The following COL5A1 variants were observed in gnomAD, a reference collection of about 807,000 sequenced individuals.
The protein encoded by COL5A1 is collagen alpha-1(V) chain.
In COL5A1, 16 loss-of-function variants were observed where a neutral mutation model predicts 263.7. The ratio of observed to expected loss-of-function variants is 0.06; its 90% confidence interval spans 0.04 to 0.09. COL5A1 has a LOEUF of 0.09. Ranked by LOEUF, COL5A1 falls within the 10% of genes least tolerant of loss-of-function variation. The probability of loss-of-function intolerance (pLI) is 1.00; values close to 1 mark genes in which losing one functional copy is unlikely to be tolerated. For synonymous variants in COL5A1, 1,012 were observed against 1,004.5 expected (o/e 1.01, Z -0.14); for missense variants, 2,036 against 2,540.5 (o/e 0.80, Z 4.27).
chr9:134,828,245 C>T (rs546241074), intron 63 of COL5A1, among the ~76,000 whole-genome samples: 3 of 152,300 alleles, frequency 2.0e-5, no homozygotes, highest in Admixed American at 2.0e-4. Context: ...TCACTGAGGC[C>T]TGCCCTGCTG....
In COL5A1 at chr9:134,727,477, G is replaced by A; in HGVS notation, c.786+80G>A. The A allele has an allele frequency of 2.6e-6, 4 of 1,510,216 alleles. No individual in the cohort carries two copies. In the South Asian group the frequency reaches 4.5e-5, roughly 17 times the overall value. 93.6% of individuals were successfully genotyped at this position (1,510,216 alleles called of 1,614,324 possible). A position where few individuals can be genotyped will look rare whatever the true frequency, so the allele number is the denominator to read the frequency against. ...TTGGTGAAGAGACACATAAGCCATG[G>A]GACCCTTATTTTAAATAAATCCACT... On this transcript the variant is annotated intron_variant, in intron 5 of 65. Transcript: ENST00000371817.
intron 4 of COL5A1, among the ~76,000 whole-genome samples, chr9:134,724,311 G>A (rs941452924): frequency 8.5e-5 from 13 of 152,200 alleles, no homozygotes; most frequent in African/African-American, 2.2e-4. Flanking sequence ...CAATGCTGCC[G>A]TTTTATGCTA....
At chr9:134,806,440 C>T (rs1245736465) in intron 42 of COL5A1, 144 bp downstream of exon 42, 2 of 637,906 alleles carry the variant, frequency 3.1e-6, no homozygotes, top group East Asian at 5.5e-5. Flanking sequence ...CCCTCTAGGA[C>T]AGAGCGTGTG....
chr9:134,834,057 G>A (rs1839755683), intron 64 of COL5A1, among the ~76,000 whole-genome samples: 1 of 152,168 alleles, frequency 6.6e-6, no homozygotes, highest in African/African-American at 2.4e-5. Flanking sequence ...GGGAGGAGCC[G>A]TGCAGTGGCT....
At chr9:134,744,831 GCA>G (rs1835445706) in intron 11 of COL5A1, among the ~76,000 whole-genome samples, 2 of 149,340 alleles carry the variant, frequency 1.3e-5, no homozygotes, top group Admixed American at 1.3e-4. Context: ...ATGCATGCAT[GCA>G]CACTCATCCA....
rs200595318 is a variant in COL5A1, at chr9:134,728,821, G to A, written c.924+14G>A. 3.9e-4 allele frequency: 630 copies of A among 1,613,822 alleles called. 1 individual carries two copies. Among genetic ancestry groups the A allele is most frequent in the Non-Finnish European group, 4.7e-4 (551 of 1,180,006 alleles). ...GAGGTCCCCGAGGTCTGGGCTGAGCGGGGGACTGGGTTGGGCTGGGCCCCT... is the reference window on the plus strand; with the variant it reads ...GAGGTCCCCGAGGTCTGGGCTGAGCAGGGGACTGGGTTGGGCTGGGCCCCT... On this transcript the variant is annotated intron_variant, in intron 6 of 65. Coordinates refer to ENST00000371817, the MANE Select transcript of COL5A1 (RefSeq NM_000093.5).
chr9:134,644,554 G>A (rs1263656434), intron 1 of COL5A1, among the ~76,000 whole-genome samples: 4 of 145,588 alleles, frequency 2.7e-5, no homozygotes, highest in Admixed American at 6.8e-5. Context: ...CAGGCGTGGC[G>A]GGGAGGGGGC....
rs1406104265 is a variant in COL5A1, at chr9:134,741,830, C to G, written c.1494+3022C>G. Among the ~76,000 whole-genome samples the G allele has an allele frequency of 1.3e-5, 2 of 152,202 alleles. No homozygotes were observed. Among genetic ancestry groups the G allele is most frequent in the Non-Finnish European group, 2.9e-5 (2 of 68,032 alleles). ...TGGAAGAGCCCTCTTCTCCCTGCCA[C>G]TCCCAACCTCCCGCCTTGGGCTTCC... On this transcript the variant is annotated intron_variant, in intron 11 of 65. Coordinates refer to ENST00000371817, the MANE Select transcript of COL5A1 (RefSeq NM_000093.5). This position sits in a 1 kb window ranked among gnomAD's most constrained non-coding sequence, Gnocchi z 4.5.
chr9:134,825,553 G>A (rs544378939), intron 62 of COL5A1, among the ~76,000 whole-genome samples: 33 of 152,210 alleles, frequency 2.2e-4, no homozygotes, highest in African/African-American at 6.5e-4. Flanking sequence ...ACCAGAACAC[G>A]TACCCAGTTG....
chr9:134,759,089 C>T (rs1836106810), intron 18 of COL5A1, among the ~76,000 whole-genome samples: 2 of 152,050 alleles, frequency 1.3e-5, no homozygotes, highest in African/African-American at 4.8e-5. Flanking sequence ...GGGCTCTTCA[C>T]AGCTTGTGGG....
At chr9:134,806,868 C>T (rs1476551655) in intron 42 of COL5A1, among the ~76,000 whole-genome samples, 4 of 152,294 alleles carry the variant, frequency 2.6e-5, no homozygotes, top group East Asian at 1.9e-4. Context: ...AAAGACAAGG[C>T]GCCTCCCTCT....
Position 134,835,311 on chromosome 9 carries a change from G to C in COL5A1, c.5370+107G>C, listed in dbSNP as rs1268955180. Reference sequence around the variant, plus strand: ...CCCAAGATGCCTGCCAGAGGGCAGTGAGGGCCCCGGACCAGACTCTCGCCC... The same window carrying C: ...CCCAAGATGCCTGCCAGAGGGCAGTCAGGGCCCCGGACCAGACTCTCGCCC... On this transcript the variant is annotated intron_variant, in intron 65 of 65. Transcript: ENST00000371817. 4 of 996,744 alleles carry C rather than the reference G, an allele frequency of 4.0e-6. No homozygotes were observed. In the South Asian group the frequency reaches 5.8e-5, roughly 14 times the overall value. 61.7% of individuals were successfully genotyped at this position (996,744 alleles called of 1,614,324 possible).
At chr9:134,724,612 T>G (rs571555496) in intron 4 of COL5A1, among the ~76,000 whole-genome samples, 11 of 152,306 alleles carry the variant, frequency 7.2e-5, no homozygotes, top group Admixed American at 7.2e-4. Flanking sequence ...GGAACAATGA[T>G]GGGTGTGCGC....
At chr9:134,746,112 C>A (rs938735301) in intron 11 of COL5A1, among the ~76,000 whole-genome samples, 1 of 152,172 alleles carries the variant, frequency 6.6e-6, no homozygotes. Context: ...ATGAGAGACC[C>A]TTCAGCCCAC....
chr9:134,759,401 ACACC>A (rs1308670434), intron 18 of COL5A1, among the ~76,000 whole-genome samples: 5 of 118,684 alleles, frequency 4.2e-5, no homozygotes, highest in South Asian at 5.1e-4. Flanking sequence ...ATACGCATAC[ACACC>A]CACACACACC....
intron 32 of COL5A1, among the ~76,000 whole-genome samples, chr9:134,790,590 CTAT>C (rs1837653253): frequency 1.1e-5 from 1 of 94,272 alleles, no homozygotes; most frequent in East Asian, 3.0e-4. Flanking sequence ...ATCCATCCAT[CTAT>C]CCATCCACCC....
At chr9:134,714,386 G>A (rs1015870215) in intron 4 of COL5A1, among the ~76,000 whole-genome samples, 1 of 150,714 alleles carries the variant, frequency 6.6e-6, no homozygotes, top group Non-Finnish European at 1.5e-5. Context: ...CATGATGGTA[G>A]TGATGGTGGT....
intron 2 of COL5A1, among the ~76,000 whole-genome samples, chr9:134,699,421 G>T (rs1158193659): frequency 6.6e-6 from 1 of 151,980 alleles, no homozygotes; most frequent in Non-Finnish European, 1.5e-5. Context: ...CGAGGCTGTT[G>T]CTTCCCTTCT....
intron 64 of COL5A1, chr9:134,830,457 C>T (rs1839566012): frequency 3.7e-6 from 2 of 544,236 alleles, no homozygotes; most frequent in Non-Finnish European, 6.6e-6. Context: ...TGATCCTCTG[C>T]CCACAGACGG....
Sources: gnomAD v4.1 joint callset for allele counts (sites outside exome capture counted in the v4.1 genomes callset) on GRCh38, gnomAD v4.1.1 for gene constraint, Gnocchi (gnomAD v3.1) non-coding constraint, MANE v1.5 for transcripts, NCBI Gene and HGNC (gene_info 2026-07-23, HGNC 2026-07-21) for gene names.